The following EYS variants were observed in gnomAD, a reference collection of about 807,000 sequenced individuals.
The protein encoded by EYS is EGF-like photoreceptor maintenance factor.
EYS carries 250 observed loss-of-function variants against 282.1 expected under a neutral mutation model. The observed-to-expected ratio is 0.89, with a 90% CI of 0.80 to 0.98. EYS has a LOEUF of 0.98. Among genes scored for constraint, EYS ranks in the 50% least tolerant of loss-of-function variants. EYS has a pLI of 0.00. For missense variants in EYS, 4,016 were observed against 3,709.0 expected (o/e 1.08, Z -2.15); for synonymous variants, 1,355 against 1,282.9 (o/e 1.06, Z -1.20).
chr6:65,178,926 T>A (rs984330585), intron 12 of EYS, among the ~76,000 whole-genome samples: 2 of 152,032 alleles, frequency 1.3e-5, no homozygotes, highest in African/African-American at 4.8e-5. Context: ...ACCGCTCAAC[T>A]ACATGGAAAC....
At chr6:64,221,645 C>G (rs1766107404) in intron 31 of EYS, among the ~76,000 whole-genome samples, 1 of 152,058 alleles carries the variant, frequency 6.6e-6, no homozygotes, top group South Asian at 2.1e-4. Flanking sequence ...TGGGCAAATG[C>G]CATCCAAAAA....
At chr6:64,382,278 C>G (rs1772771367) in intron 29 of EYS, among the ~76,000 whole-genome samples, 1 of 152,180 alleles carries the variant, frequency 6.6e-6, no homozygotes, top group Non-Finnish European at 1.5e-5. Flanking sequence ...GTTATGTCAT[C>G]TGGCCTCACG....
chr6:63,793,951 C>T (rs1224757158), intron 37 of EYS, among the ~76,000 whole-genome samples: 1 of 152,130 alleles, frequency 6.6e-6, no homozygotes, highest in Non-Finnish European at 1.5e-5. Context: ...TGTCTGAAAG[C>T]GATGTGGCTG....
intron 26 of EYS, among the ~76,000 whole-genome samples, chr6:64,502,480 CA>C (rs1396964960): frequency 1.3e-5 from 2 of 152,086 alleles, no homozygotes; most frequent in East Asian, 1.9e-4. Context: ...CTCGGCCTCC[CA>C]AAAGTGCTGG....
chr6:64,849,920 TATA>T (rs1259677721), intron 19 of EYS, among the ~76,000 whole-genome samples: 2 of 151,924 alleles, frequency 1.3e-5, no homozygotes, highest in African/African-American at 2.4e-5. Context: ...CCCTTTTTTA[TATA>T]ATAATTTAAT....
At chr6:65,393,557 T>G (rs1417338938) in intron 7 of EYS, among the ~76,000 whole-genome samples, 1 of 152,204 alleles carries the variant, frequency 6.6e-6, no homozygotes, top group Non-Finnish European at 1.5e-5. Flanking sequence ...TATGTTGAAA[T>G]ATGTCAACCT....
At chr6:65,195,389 T>C (rs1765739950) in intron 12 of EYS, among the ~76,000 whole-genome samples, 1 of 152,046 alleles carries the variant, frequency 6.6e-6, no homozygotes, top group Non-Finnish European at 1.5e-5. Flanking sequence ...TGCTGTGGTT[T>C]TACTTTTGTA....
intron 1 of EYS, among the ~76,000 whole-genome samples, chr6:65,662,351 G>T (rs1768035472): frequency 6.6e-6 from 1 of 152,196 alleles, no homozygotes; most frequent in East Asian, 1.9e-4. Context: ...ATCAGCCAAA[G>T]TATGATCACC....
chr6:64,766,270 T>C (rs1773330234), intron 22 of EYS, among the ~76,000 whole-genome samples: 1 of 151,588 alleles, frequency 6.6e-6, no homozygotes, highest in South Asian at 2.1e-4. Flanking sequence ...TCTCCTCTCC[T>C]CTCCTTTCCT....
At chr6:65,442,348 T>A (rs1488475078) in intron 5 of EYS, among the ~76,000 whole-genome samples, 1 of 152,122 alleles carries the variant, frequency 6.6e-6, no homozygotes, top group Non-Finnish European at 1.5e-5. Context: ...TTCTAAATTT[T>A]GAATATTCTT....
At chr6:64,691,603 C>A (rs1266711525) in intron 22 of EYS, among the ~76,000 whole-genome samples, 1 of 152,088 alleles carries the variant, frequency 6.6e-6, no homozygotes, top group Non-Finnish European at 1.5e-5. Context: ...TCCTGTCACC[C>A]AGGTAGTGAG....
intron 29 of EYS, among the ~76,000 whole-genome samples, chr6:64,372,172 G>T (rs1440699902): frequency 9.4e-6 from 1 of 106,300 alleles, no homozygotes; most frequent in African/African-American, 4.6e-5. Context: ...TAGTGGCCAG[G>T]AATGGTCTTT....
chr6:64,081,666 G>A (rs766068707), intron 32 of EYS, among the ~76,000 whole-genome samples, 190 bp downstream of exon 32: 3 of 152,050 alleles, frequency 2.0e-5, no homozygotes, highest in Non-Finnish European at 4.4e-5. Context: ...TGTAAGTCAC[G>A]TTCCATTGAA....
At chr6:64,937,546 A>G (rs936322825) in intron 15 of EYS, among the ~76,000 whole-genome samples, 1 of 151,652 alleles carries the variant, frequency 6.6e-6, no homozygotes, top group Admixed American at 6.6e-5. Flanking sequence ...GATGAGCTGT[A>G]TTATTAGTCC....
rs1766358239 is a variant in EYS at position 64,590,152 on chromosome 6, C to T, written c.5644+71G>A. The T allele has an allele frequency of 3.7e-6, 5 of 1,339,324 alleles. No individual in the cohort carries two copies. The Admixed American group carries it at 1.4e-4, about 37-fold the overall frequency. 83.0% of individuals were successfully genotyped at this position (1,339,324 alleles called of 1,614,324 possible). On this transcript the variant is annotated intron_variant, in intron 26 of 42. Coordinates refer to ENST00000503581, the MANE Select transcript of EYS (RefSeq NM_001142800.2). ...TGTTCAGAGCACCCGGTGACCATGACAGGCTCTTTCTTCTCTGTAGAAAAG... is the reference window on the plus strand; with the variant it reads ...TGTTCAGAGCACCCGGTGACCATGATAGGCTCTTTCTTCTCTGTAGAAAAG...
chr6:64,085,298 C>A (rs191095199), intron 31 of EYS, among the ~76,000 whole-genome samples: 1 of 147,856 alleles, frequency 6.8e-6, no homozygotes, highest in East Asian at 2.0e-4. Context: ...CTCTCTCCCC[C>A]TCCTTCTCCT....
intron 19 of EYS, among the ~76,000 whole-genome samples, chr6:64,824,588 A>G (rs920438112): frequency 6.6e-6 from 1 of 151,930 alleles, no homozygotes. Context: ...CCGTATCACT[A>G]TGTAGAATGC....
At chr6:64,758,010 C>G (rs1042026805) in intron 22 of EYS, among the ~76,000 whole-genome samples, 3 of 151,984 alleles carry the variant, frequency 2.0e-5, no homozygotes, top group Non-Finnish European at 4.4e-5. Context: ...GCCTGACCTC[C>G]TGATCTGCCC....
At chr6:64,160,238 G>T (rs1446365853) in intron 31 of EYS, among the ~76,000 whole-genome samples, 2 of 152,144 alleles carry the variant, frequency 1.3e-5, no homozygotes, top group African/African-American at 4.8e-5. Flanking sequence ...AAATTGAACA[G>T]TACCTAAAAT....
Sources: gnomAD v4.1 joint callset for allele counts (sites outside exome capture counted in the v4.1 genomes callset) on GRCh38, gnomAD v4.1.1 for gene constraint, MANE v1.5 for transcripts, NCBI Gene and HGNC (gene_info 2026-07-23, HGNC 2026-07-21) for gene names.